Variants in TSHZ2 observed in about 807,000 individuals in gnomAD.
TSHZ2 encodes teashirt homolog 2.
A neutral mutation model predicts 74.4 loss-of-function variants in TSHZ2; 21 were observed. The ratio of observed to expected loss-of-function variants is 0.28; its 90% confidence interval spans 0.20 to 0.41. The LOEUF is 0.41. TSHZ2 is among the 10% of genes least tolerant of loss of function. The pLI is 1.00. For missense variants in TSHZ2, 1,244 were observed against 1,293.5 expected, an observed-to-expected ratio of 0.96 and a Z score of 0.59; for synonymous variants, 540 against 515.3, an observed-to-expected ratio of 1.05 and a Z score of -0.65.
At chr20:53,270,364 A>C (rs1165495619) in intron 2 of TSHZ2, among the ~76,000 whole-genome samples, 1 of 152,124 alleles carries the variant, frequency 6.6e-6, no homozygotes, top group African/African-American at 2.4e-5. Context: ...CTAGGGCCTT[A>C]TGTATCCTAT....
chr20:53,141,399 T>G (rs1413975602), intron 1 of TSHZ2, among the ~76,000 whole-genome samples: 1 of 152,236 alleles, frequency 6.6e-6, no homozygotes, highest in Non-Finnish European at 1.5e-5. Context: ...CTGGCCTCCT[T>G]CTATTTATGA....
In TSHZ2 at chr20:53,080,204, T is replaced by C. The variant is rs142571534; in HGVS notation, c.40+106871T>C. The stretch of plus-strand genomic sequence containing the variant: ...CTTACTAAAAGGCTCTAGAGAGAAA[T>C]TGGTCTGCCCTTCCCTGGTGCTAAT... On this transcript the variant is annotated intron_variant, in intron 1 of 2. Coordinates refer to ENST00000371497, the MANE Select transcript of TSHZ2 (RefSeq NM_173485.6). Among the ~76,000 whole-genome samples, 27 of 152,268 alleles carry C rather than the reference T, an allele frequency of 1.8e-4. No homozygotes were observed. The East Asian group carries it at 2.9e-3, about 16-fold the overall frequency.
chr20:53,348,456 G>A (rs1049599173), intron 2 of TSHZ2, among the ~76,000 whole-genome samples: 4 of 151,910 alleles, frequency 2.6e-5, no homozygotes, highest in Non-Finnish European at 5.9e-5. Context: ...AATGAATTGA[G>A]GATAGTCAAG....
intron 2 of TSHZ2, among the ~76,000 whole-genome samples, chr20:53,441,552 C>G (rs554363160): frequency 1.3e-5 from 2 of 151,876 alleles, no homozygotes; most frequent in Non-Finnish European, 2.9e-5. Flanking sequence ...TCCCAAAGTG[C>G]TGGTATTACA....
At chr20:53,013,322 C>A (rs1415073528) in intron 1 of TSHZ2, among the ~76,000 whole-genome samples, 1 of 152,088 alleles carries the variant, frequency 6.6e-6, no homozygotes, top group African/African-American at 2.4e-5. Flanking sequence ...CTCTCACATC[C>A]CTATTTGTCC....
chr20:53,022,013 A>T (rs1983264337), intron 1 of TSHZ2, among the ~76,000 whole-genome samples: 1 of 152,180 alleles, frequency 6.6e-6, no homozygotes, highest in Admixed American at 6.5e-5. Flanking sequence ...TAAAAGTAAC[A>T]TGGTGGAGGG....
At chr20:53,246,333 G>A (rs1240764538) in intron 1 of TSHZ2, among the ~76,000 whole-genome samples, 2 of 152,114 alleles carry the variant, frequency 1.3e-5, no homozygotes, top group African/African-American at 2.4e-5. Flanking sequence ...GTGAGCCACT[G>A]CACCTGGTGC....
chr20:53,098,100 C>A (rs1986107908), intron 1 of TSHZ2: 1 of 152,176 alleles, frequency 6.6e-6, no homozygotes. Flanking sequence ...ACTCGGCTCC[C>A]ACCATTCTCC....
chr20:53,307,434 G>A (rs1401603626), intron 2 of TSHZ2, among the ~76,000 whole-genome samples: 3 of 152,068 alleles, frequency 2.0e-5, no homozygotes, highest in Non-Finnish European at 4.4e-5. Flanking sequence ...CAGCTGTTTC[G>A]ACCCTTCACC....
intron 2 of TSHZ2, among the ~76,000 whole-genome samples, chr20:53,378,254 C>T (rs1438500025): frequency 2.0e-5 from 3 of 151,742 alleles, no homozygotes; most frequent in Non-Finnish European, 2.9e-5. Context: ...GCAGGGGAAT[C>T]GCTTGAACCC....
intron 1 of TSHZ2, among the ~76,000 whole-genome samples, chr20:53,238,689 A>G (rs1031056245): frequency 6.6e-6 from 1 of 152,082 alleles, no homozygotes; most frequent in African/African-American, 2.4e-5. Context: ...AAAACAGTCC[A>G]GATGCACTGG....
chr20:53,179,844 A>G (rs971956768), intron 1 of TSHZ2, among the ~76,000 whole-genome samples: 1 of 152,206 alleles, frequency 6.6e-6, no homozygotes, highest in African/African-American at 2.4e-5. Context: ...CAAGGTAACG[A>G]TAAGAGATTC....
rs189201976 is a variant in TSHZ2 at position 53,044,471 on chromosome 20, T to C, written c.40+71138T>C. Among the ~76,000 whole-genome samples, 324 of 152,306 alleles carry C rather than the reference T, an allele frequency of 2.1e-3. 1 individual carries two copies. Among genetic ancestry groups the C allele is most frequent in the African/African-American group, 7.6e-3 (314 of 41,558 alleles). Reference sequence around the variant, plus strand: ...GAAAAGTGTGCTGTAAAATCTGTCATGGTCCTTGTGACACCAGTAGCTCTC... The same window carrying C: ...GAAAAGTGTGCTGTAAAATCTGTCACGGTCCTTGTGACACCAGTAGCTCTC... On this transcript the variant is annotated intron_variant, in intron 1 of 2. Transcript: ENST00000371497.
intron 2 of TSHZ2, among the ~76,000 whole-genome samples, chr20:53,380,769 A>T (rs1468363874): frequency 6.6e-6 from 1 of 152,262 alleles, no homozygotes; most frequent in East Asian, 1.9e-4. Flanking sequence ...ACTCTTCTGC[A>T]TATTTAGGAA....
chr20:53,338,727 G>C (rs368298836), intron 2 of TSHZ2, among the ~76,000 whole-genome samples: 84 of 144,618 alleles, frequency 5.8e-4, no homozygotes, highest in African/African-American at 2.4e-3. Context: ...TAAATGTCAG[G>C]AGTACTCAGC....
intron 2 of TSHZ2, among the ~76,000 whole-genome samples, chr20:53,309,792 T>G (rs1978700011): frequency 6.6e-6 from 1 of 152,108 alleles, no homozygotes; most frequent in Admixed American, 6.5e-5. Flanking sequence ...GTGGAAAGAG[T>G]AGGAACCCTT....
intron 2 of TSHZ2, among the ~76,000 whole-genome samples, chr20:53,275,213 A>G (rs980300498): frequency 2.6e-5 from 4 of 152,130 alleles, no homozygotes; most frequent in African/African-American, 9.7e-5. Flanking sequence ...GCATTTACTT[A>G]ATAACTCATC....
chr20:53,450,479 TA>T (rs1041859634), intron 2 of TSHZ2, among the ~76,000 whole-genome samples: 7 of 152,240 alleles, frequency 4.6e-5, no homozygotes, highest in African/African-American at 1.7e-4. Context: ...TATGATTTCA[TA>T]AGGCATTATC....
chr20:53,424,107 G>A (rs529174418), intron 2 of TSHZ2, among the ~76,000 whole-genome samples: 1 of 152,294 alleles, frequency 6.6e-6, no homozygotes, highest in South Asian at 2.1e-4. Context: ...CCTAACTGAG[G>A]GTTTCTCAGC....
Sources: allele counts gnomAD v4.1 joint callset (sites outside exome capture counted in the v4.1 genomes callset), GRCh38; gene constraint gnomAD v4.1.1; transcripts MANE v1.5; gene names NCBI Gene and HGNC (gene_info 2026-07-23, HGNC 2026-07-21).